RAD51C: variants seen among roughly 807,000 people sequenced by gnomAD.
RAD51C encodes the protein DNA repair protein RAD51 homolog 3.
Under a neutral mutation model 45.0 loss-of-function variants are expected in RAD51C, and 42 were observed. The ratio of observed to expected loss-of-function variants is 0.93; its 90% CI spans 0.73 to 1.21. RAD51C has a LOEUF of 1.21. Ranked by LOEUF, RAD51C falls within the 50% of genes most tolerant of loss-of-function variation. RAD51C has a pLI of 0.00. For synonymous variants in RAD51C, 172 were observed against 159.8 expected (o/e 1.08, Z -0.58); for missense variants, 474 against 452.2 (o/e 1.05, Z -0.44).
At chr17:58,694,574 C>G (rs1026834042) in intron 1 of RAD51C, 2 of 331,598 alleles carry the variant, frequency 6.0e-6, no homozygotes, top group African/African-American at 4.4e-5. Flanking sequence ...GGTGCAGGTT[C>G]AAGTGATTGT....
chr17:58,713,082 C>T (rs2143875754), intron 5 of RAD51C, among the ~76,000 whole-genome samples: 1 of 151,594 alleles, frequency 6.6e-6, no homozygotes, highest in African/African-American at 2.4e-5. Context: ...GCTGAGATCG[C>T]ACCACTGCAC....
At chr17:58,718,988 C>G (rs368158836) in intron 5 of RAD51C, among the ~76,000 whole-genome samples, 2 of 152,018 alleles carry the variant, frequency 1.3e-5, no homozygotes, top group South Asian at 2.1e-4. Flanking sequence ...TTTGGGAGGC[C>G]GAGGTGGGTG....
chr17:58,701,293 G>A (rs1227630987), intron 3 of RAD51C, among the ~76,000 whole-genome samples: 2 of 151,936 alleles, frequency 1.3e-5, no homozygotes, highest in African/African-American at 4.8e-5. Context: ...CAGATCACGA[G>A]GTCAGGAGAT....
At chr17:58,712,362 A>AG (rs2048587135) in intron 5 of RAD51C, among the ~76,000 whole-genome samples, 1 of 151,518 alleles carries the variant, frequency 6.6e-6, no homozygotes, top group African/African-American at 2.4e-5. Flanking sequence ...AAAAAAAAAA[A>AG]AAAGAAATTT....
At chr17:58,720,406 ACT>A (rs2048875001) in intron 5 of RAD51C, among the ~76,000 whole-genome samples, 1 of 145,988 alleles carries the variant, frequency 6.8e-6, no homozygotes, top group Non-Finnish European at 1.5e-5. Flanking sequence ...ACTGAGCGAG[ACT>A]CTGTCTCAAA....
chr17:58,729,311 G>A (rs541617673), intron 7 of RAD51C, among the ~76,000 whole-genome samples: 5 of 150,412 alleles, frequency 3.3e-5, no homozygotes, highest in East Asian at 2.0e-4. Context: ...TCGGCCTCCC[G>A]GGTTCAATCG....
chr17:58,700,282 C>T (rs1054372593), intron 3 of RAD51C: 1 of 152,084 alleles, frequency 6.6e-6, no homozygotes, highest in African/African-American at 2.4e-5. Context: ...TTACAGGGCT[C>T]CAGCCAAGAA....
intron 5 of RAD51C, among the ~76,000 whole-genome samples, chr17:58,714,957 G>A (rs746097762): frequency 6.6e-5 from 10 of 151,694 alleles, no homozygotes; most frequent in Non-Finnish European, 1.5e-4. Context: ...GAATATTTCC[G>A]TCATCCTAAA....
At chr17:58,719,156 G>A (rs534921156) in intron 5 of RAD51C, among the ~76,000 whole-genome samples, 123 of 151,624 alleles carry the variant, frequency 8.1e-4, no homozygotes, top group Non-Finnish European at 1.3e-3. Flanking sequence ...CCCGGGAGGC[G>A]GAGATTGCAG....
intron 4 of RAD51C, among the ~76,000 whole-genome samples, chr17:58,708,378 CCTTCTCTCTTATTTACTATATT>C: frequency 6.6e-6 from 1 of 152,048 alleles, no homozygotes; most frequent in South Asian, 2.1e-4. Context: ...AGAGCAGGGA[CCTTCTCTCTTATTTACTATATT>C]CTTCTCTCTT....
chr17:58,724,956 G>A (rs188561244), intron 7 of RAD51C, among the ~76,000 whole-genome samples: 14 of 152,112 alleles, frequency 9.2e-5, no homozygotes, highest in Admixed American at 8.5e-4. Context: ...ATATTTCTTT[G>A]TTGTTCTACA....
At chr17:58,718,028 C>G (rs1260996512) in intron 5 of RAD51C, among the ~76,000 whole-genome samples, 1 of 151,988 alleles carries the variant, frequency 6.6e-6, no homozygotes. Flanking sequence ...TGGAGTCTTG[C>G]TCCTGTTGCC....
intron 2 of RAD51C, 70 bp downstream of exon 2, chr17:58,695,259 C>T (rs567103304): frequency 5.3e-6 from 8 of 1,522,070 alleles, no homozygotes; most frequent in East Asian, 2.3e-5. Flanking sequence ...TTTGTACTAT[C>T]GTCAGGAAAC....
At chr17:58,693,935 CAT>C (rs1764183980) in intron 1 of RAD51C, 1 of 152,150 alleles carries the variant, frequency 6.6e-6, no homozygotes, top group African/African-American at 2.4e-5. Context: ...ATTTATGGCT[CAT>C]ATTCTTATCA....
chr17:58,698,922 C>CA (rs1287559201), intron 3 of RAD51C, among the ~76,000 whole-genome samples: 146 of 127,962 alleles, frequency 1.1e-3, no homozygotes, highest in Middle Eastern at 4.1e-3. Flanking sequence ...AACTCCTTCT[C>CA]AAAAAAAAAA....
chr17:58,696,919 C>A (rs979789471), intron 3 of RAD51C, 60 bp downstream of exon 3: 195 of 1,554,330 alleles, frequency 1.3e-4, no homozygotes, highest in Non-Finnish European at 1.6e-4. Context: ...GCATTTGTGC[C>A]CATCTGAGAC....
intron 7 of RAD51C, among the ~76,000 whole-genome samples, chr17:58,731,258 GTTTT>G (rs77247264): frequency 7.4e-6 from 1 of 135,194 alleles, no homozygotes; most frequent in African/African-American, 2.7e-5. Context: ...CTTAAAAGCA[GTTTT>G]TTTTTTTTTT....
chr17:58,722,792 A>G (rs2048965577), intron 6 of RAD51C, among the ~76,000 whole-genome samples: 1 of 152,240 alleles, frequency 6.6e-6, no homozygotes, highest in Non-Finnish European at 1.5e-5. Flanking sequence ...GCCAGGATGC[A>G]CATCAAAATC....
chr17:58,718,033 G>A (rs2048797956), intron 5 of RAD51C, among the ~76,000 whole-genome samples: 2 of 151,958 alleles, frequency 1.3e-5, no homozygotes, highest in African/African-American at 2.4e-5. Flanking sequence ...TCTTGCTCCT[G>A]TTGCCCAGGC....
Sources: gnomAD v4.1 joint callset for allele counts (sites outside exome capture counted in the v4.1 genomes callset) on GRCh38, gnomAD v4.1.1 for gene constraint, MANE v1.5 for transcripts, NCBI Gene and HGNC (gene_info 2026-07-23, HGNC 2026-07-21) for gene names.